WDR26: variants seen among roughly 807,000 people sequenced by gnomAD.
WDR26 encodes the protein WD repeat domain 26.
Under a neutral mutation model 84.1 loss-of-function variants are expected in WDR26, and 5 were observed. The ratio of observed to expected loss-of-function variants is 0.06; its 90% CI spans 0.03 to 0.13. WDR26 has a LOEUF of 0.13. Ranked by LOEUF, WDR26 falls within the 10% of genes least tolerant of loss-of-function variation. The probability of loss-of-function intolerance (pLI) is 1.00; values close to 1 mark genes in which losing one functional copy is unlikely to be tolerated. For synonymous variants in WDR26, 415 were observed against 389.6 expected (o/e 1.07, Z -0.77); for missense variants, 642 against 974.9 (o/e 0.66, Z 4.55).
chr1:224,397,308 T>C (rs1673294226), intron 12 of WDR26, among the ~76,000 whole-genome samples: 1 of 152,178 alleles, frequency 6.6e-6, no homozygotes, highest in Non-Finnish European at 1.5e-5. Context: ...GTGACTTAAA[T>C]AATTTGCTTT....
chr1:224,410,567 G>A (rs1197235091), intron 7 of WDR26, among the ~76,000 whole-genome samples: 1 of 151,952 alleles, frequency 6.6e-6, no homozygotes, highest in Non-Finnish European at 1.5e-5. Flanking sequence ...AAAACAAAGG[G>A]GGAAAGGATT....
At chr1:224,392,651 A>T (rs1228522315) in intron 13 of WDR26, among the ~76,000 whole-genome samples, 1 of 152,102 alleles carries the variant, frequency 6.6e-6, no homozygotes, top group Non-Finnish European at 1.5e-5. Context: ...AAATACAAAA[A>T]TACCCTTCAA....
At chr1:224,426,946 C>G (rs541136811) in intron 3 of WDR26, among the ~76,000 whole-genome samples, 8 of 149,584 alleles carry the variant, frequency 5.3e-5, no homozygotes, top group African/African-American at 1.7e-4. Flanking sequence ...AAAAAAAATA[C>G]AAAAAAATTA....
intron 6 of WDR26, among the ~76,000 whole-genome samples, chr1:224,415,690 C>G (rs957118790): frequency 1.3e-5 from 2 of 151,840 alleles, no homozygotes; most frequent in African/African-American, 4.8e-5. Flanking sequence ...CTTGATCTCC[C>G]GACCTCGTGA....
At chr1:224,408,205 G>A (rs865784110) in intron 7 of WDR26, among the ~76,000 whole-genome samples, 4 of 152,138 alleles carry the variant, frequency 2.6e-5, no homozygotes, top group Non-Finnish European at 4.4e-5. Flanking sequence ...GCCATGTTAC[G>A]TTTTCTTTTG....
Position 224,418,123 on chromosome 1 carries a change from A to C in WDR26, c.1319+137T>G, listed in dbSNP as rs12739486. The C allele has an allele frequency of 2.2e-5, 14 of 638,820 alleles. No individual in the cohort carries two copies. The African/African-American group carries it at 2.4e-4, about 11-fold the overall frequency. 39.6% of individuals were successfully genotyped at this position (638,820 alleles called of 1,614,324 possible). ...ATTTCTCATAATTTTCAATTTTCATAGTTCCAGCTTTACTCGTGAACAAAT... is the reference window on the plus strand; with the variant it reads ...ATTTCTCATAATTTTCAATTTTCATCGTTCCAGCTTTACTCGTGAACAAAT... On this transcript the variant is annotated intron_variant, in intron 6 of 13. Coordinates refer to ENST00000414423, the MANE Select transcript of WDR26 (RefSeq NM_001379403.1).
intron 9 of WDR26, among the ~76,000 whole-genome samples, 167 bp from the exon 10 acceptor site, chr1:224,399,201 T>G (rs1260338224): frequency 6.6e-6 from 1 of 152,100 alleles, no homozygotes; most frequent in Non-Finnish European, 1.5e-5. Context: ...CATGAAAATT[T>G]GAATATAGTT....
intron 8 of WDR26, among the ~76,000 whole-genome samples, chr1:224,403,762 C>A (rs1673481629): frequency 6.6e-6 from 1 of 152,148 alleles, no homozygotes. Context: ...CATGATGAAA[C>A]CTCTTCTCTG....
chr1:224,391,440 TCTA>T (rs1464209054), intron 13 of WDR26, among the ~76,000 whole-genome samples: 4 of 152,104 alleles, frequency 2.6e-5, no homozygotes, highest in African/African-American at 7.2e-5. Flanking sequence ...AGTCCATAAT[TCTA>T]CTGTTAAAAT....
At chr1:224,391,276 T>C (rs906852058) in intron 13 of WDR26, among the ~76,000 whole-genome samples, 1 of 149,254 alleles carries the variant, frequency 6.7e-6, no homozygotes, top group Non-Finnish European at 1.5e-5. Context: ...TGAGGCAGAA[T>C]TGCTTGAACC....
At position 224,407,584 on chromosome 1, in the gene WDR26, T is replaced by C. The variant is rs186562494; in HGVS notation, c.1459-3014A>G. ...AGTGCAGTGGCGCAATCTCAATTCA[T>C]TGCACCCTCCGCCTCCCAGGTTCAA... On this transcript the variant is annotated intron_variant, in intron 7 of 13. Transcript: ENST00000414423. Among the ~76,000 whole-genome samples the C allele has an allele frequency of 2.1e-4, 32 of 151,208 alleles. 1 individual carries two copies. In the East Asian group the frequency reaches 5.6e-3, roughly 27 times the overall value.
intron 6 of WDR26, among the ~76,000 whole-genome samples, chr1:224,415,453 CTTTTTTTTTTTTTTT>C (rs149995544): frequency 3.6e-5 from 3 of 82,336 alleles, no homozygotes; most frequent in Non-Finnish European, 6.8e-5. Context: ...GTATTTCTTT[CTTTTTTTTTTTTTTT>C]TTTTTTTTTT....
intron 6 of WDR26, 134 bp from the exon 7 acceptor site, chr1:224,411,699 T>A: frequency 2.0e-6 from 2 of 1,007,350 alleles, no homozygotes; most frequent in Non-Finnish European, 2.8e-6. Context: ...AATGCATTTG[T>A]AAATCTTTTT....
chr1:224,388,049 G>A lies in WDR26; in HGVS notation c.*1786C>T, dbSNP rs1366593254. The A allele has an allele frequency of 1.3e-5, 2 of 152,568 alleles. No individual in the cohort carries two copies. Among genetic ancestry groups the A allele is most frequent in the African/African-American group, 2.4e-5 (1 of 41,418 alleles). 9.5% of individuals were successfully genotyped at this position (152,568 alleles called of 1,614,324 possible). A position where few individuals can be genotyped will look rare whatever the true frequency, so the allele number is the denominator to read the frequency against. On this transcript the variant is annotated 3_prime_UTR_variant, in exon 14 of 14. Coordinates refer to ENST00000414423, the MANE Select transcript of WDR26 (RefSeq NM_001379403.1). ...AATTTGATAAGAGTCTGCTGACCACGATCTGTCATTTTCTTTACTATGGGC... is the reference window on the plus strand; with the variant it reads ...AATTTGATAAGAGTCTGCTGACCACAATCTGTCATTTTCTTTACTATGGGC...
At chr1:224,402,572 A>C (rs1673448465) in intron 8 of WDR26, among the ~76,000 whole-genome samples, 1 of 152,206 alleles carries the variant, frequency 6.6e-6, no homozygotes, top group Non-Finnish European at 1.5e-5. Flanking sequence ...TACACAATGA[A>C]AGTTATGTTA....
chr1:224,388,129 C>CT lies in WDR26; in HGVS notation c.*1705dup, dbSNP rs5781364. On this transcript the variant is annotated 3_prime_UTR_variant, in exon 14 of 14. Transcript: ENST00000414423. ...CAAATGTGTTTTTCTTTCTTCTCCC[C>CT]TTCCCTGACTTTTCCCTTTCTCCCA... The CT allele has an allele frequency of 0.7, 107,036 of 152,328 alleles. 39,488 individuals are homozygous for CT. Among genetic ancestry groups the CT allele is most frequent in the East Asian group, 0.99 (5,142 of 5,176 alleles). The allele number at this position is 152,328 out of a possible 1,614,324, so 9.4% of individuals were successfully genotyped here.
In WDR26 at chr1:224,385,778, T is replaced by C. The variant is rs1672979493; in HGVS notation, c.*4057A>G. 2.6e-5 allele frequency: 4 copies of C among 152,614 alleles called. No homozygotes were observed. Among genetic ancestry groups the C allele is most frequent in the Admixed American group, 2.6e-4 (4 of 15,274 alleles). The allele number at this position is 152,614 out of a possible 1,614,324, so 9.5% of individuals were successfully genotyped here. On this transcript the variant is annotated 3_prime_UTR_variant, in exon 14 of 14. Transcript: ENST00000414423. ...AATGTTACAATTCAGTTCTAGCACA[T>C]TGACCCTGATAATGAAAATGTTTAA...
chr1:224,386,650 T>C lies in WDR26; in HGVS notation c.*3185A>G, dbSNP rs1558407680. 1 of 152,452 alleles carries C rather than the reference T, an allele frequency of 6.6e-6. No homozygotes were observed. The highest frequency in any genetic ancestry group is 2.4e-5 in the African/African-American group (1 of 41,468). The allele number at this position is 152,452 out of a possible 1,614,324, so 9.4% of individuals were successfully genotyped here. A position where few individuals can be genotyped will look rare whatever the true frequency, so the allele number is the denominator to read the frequency against. ...TGTTTTTTTCAGACTAAGAAAATAC[T>C]GACAAAATTGGATTTTTTTCTCCTT... On this transcript the variant is annotated 3_prime_UTR_variant, in exon 14 of 14. Transcript: ENST00000414423.
At chr1:224,406,690 A>G (rs1673576282) in intron 7 of WDR26, among the ~76,000 whole-genome samples, 1 of 152,200 alleles carries the variant, frequency 6.6e-6, no homozygotes, top group African/African-American at 2.4e-5. Flanking sequence ...CATTAGGTCA[A>G]AATGGTTTAA....
Sources: allele counts gnomAD v4.1 joint callset (sites outside exome capture counted in the v4.1 genomes callset), GRCh38; gene constraint gnomAD v4.1.1; transcripts MANE v1.5; gene names NCBI Gene and HGNC (gene_info 2026-07-23, HGNC 2026-07-21).